The following CEP85L variants were observed in gnomAD, a reference collection of about 807,000 sequenced individuals.
CEP85L encodes centrosomal protein 85L.
A neutral mutation model predicts 100.3 loss-of-function variants in CEP85L; 60 were observed. The ratio of observed to expected loss-of-function variants is 0.60; its 90% CI spans 0.49 to 0.74. The LOEUF is 0.74. Among genes scored for constraint, CEP85L ranks in the 30% least tolerant of loss-of-function variants. The probability of loss-of-function intolerance (pLI) is 0.00; values close to 1 mark genes in which losing one functional copy is unlikely to be tolerated. For missense variants in CEP85L, 973 were observed against 936.2 expected, an observed-to-expected ratio of 1.04 and a Z score of -0.51; for synonymous variants, 319 against 322.7, an observed-to-expected ratio of 0.99 and a Z score of 0.12.
chr6:118,521,146 C>T (rs979752241), intron 4 of CEP85L, among the ~76,000 whole-genome samples: 28 of 152,120 alleles, frequency 1.8e-4, no homozygotes, highest in African/African-American at 6.3e-4. Context: ...CTAAAAAGTT[C>T]GGCAGGTTTA....
intron 2 of CEP85L, among the ~76,000 whole-genome samples, chr6:118,571,575 T>C (rs1226516900): frequency 6.6e-6 from 1 of 152,024 alleles, no homozygotes; most frequent in East Asian, 1.9e-4. Flanking sequence ...TTCTCTTATA[T>C]ACAGGGATGG....
In CEP85L at chr6:118,469,231, T is replaced by C; in HGVS notation, c.2095A>G (p.Thr699Ala). ...AATAGTGGCCGTTTGGAAAGAACTGTCTGCTGCCTAGATTGGTCAGGTTCC... is the reference window on the plus strand; with the variant it reads ...AATAGTGGCCGTTTGGAAAGAACTGCCTGCTGCCTAGATTGGTCAGGTTCC... ...GQEPDQSRQQ[T>A]VLSKRPLFDL... Residue 699 changes from threonine to alanine, a missense_variant, in exon 12 of 13, where the codon ACA becomes GCA. Transcript: ENST00000368491. 2 of 1,614,092 alleles carry C rather than the reference T, an allele frequency of 1.2e-6. No homozygotes were observed. The highest frequency in any genetic ancestry group is 1.7e-6 in the Non-Finnish European group (2 of 1,179,962).
intron 7 of CEP85L, 99 bp from the exon 8 acceptor site, chr6:118,482,032 T>TAAAAAAAAAAAAAAA (rs35791512): frequency 2.9e-6 from 1 of 339,516 alleles, no homozygotes; most frequent in Non-Finnish European, 4.9e-6. Context: ...GACTTGTAGC[T>TAAAAAAAAAAAAAAA]AAAAAAAAAA....
intron 1 of CEP85L, among the ~76,000 whole-genome samples, chr6:118,704,114 C>G (rs1367798742): frequency 6.6e-6 from 1 of 152,124 alleles, no homozygotes; most frequent in Non-Finnish European, 1.5e-5. Flanking sequence ...TATCATGTAA[C>G]TGGCATGACA....
rs553361650 is a variant in CEP85L, at chr6:118,496,356, TTTTTATTTTA to T, written c.1258-4501_1258-4492del. ...TGCTTTGTGTTATTTTATTTTATAT[TTTTTATTTTA>T]TTTTATTTTATTTTATTTTATTTTA... is the stretch of plus-strand genomic sequence containing the variant. On this transcript the variant is annotated intron_variant, in intron 5 of 12. Transcript: ENST00000368491. Among the ~76,000 whole-genome samples, 175 of 139,524 alleles carry T rather than the reference TTTTTATTTTA, an allele frequency of 1.3e-3. 1 individual carries two copies. Among genetic ancestry groups the T allele is most frequent in the Middle Eastern group, 3.6e-3 (1 of 276 alleles). The allele number at this position is 139,524 out of a possible 152,430, so 91.5% of individuals were successfully genotyped here. A position where few individuals can be genotyped will look rare whatever the true frequency, so the allele number is the denominator to read the frequency against.
At chr6:118,652,940 A>G, upstream of CEP85L, 1 of 528,366 alleles carries the variant, frequency 1.9e-6, no homozygotes, top group Non-Finnish European at 3.4e-6. Context: ...AAAGAAAATT[A>G]GCAGAAGCTA....
Position 118,469,230 on chromosome 6 carries a change from G to C in CEP85L, c.2096C>G (p.Thr699Arg). 1 of 1,614,060 alleles carries C rather than the reference G, an allele frequency of 6.2e-7. No homozygotes were observed. The highest frequency in any genetic ancestry group is 8.5e-7 in the Non-Finnish European group (1 of 1,179,948). ...AAATAGTGGCCGTTTGGAAAGAACT[G>C]TCTGCTGCCTAGATTGGTCAGGTTC... is the stretch of plus-strand genomic sequence containing the variant. ...GQEPDQSRQQ[T>R]VLSKRPLFDL... The change falls in exon 12 of 13, where the codon ACA (threonine) becomes AGA (arginine). Residue 699 changes from threonine (T) to arginine (R), a missense_variant. Physicochemically the swap from Thr to Arg is moderately conservative, Grantham distance 71. Coordinates refer to ENST00000368491, the MANE Select transcript of CEP85L (RefSeq NM_001042475.3).
In CEP85L at chr6:118,515,633, T is replaced by C. The variant is rs558121688; in HGVS notation, c.1140-4218A>G. 6.6e-5 allele frequency among the ~76,000 whole-genome samples: 10 copies of C among 152,280 alleles called. No homozygotes were observed. In the East Asian group the frequency reaches 7.7e-4, roughly 12 times the overall value. On this transcript the variant is annotated intron_variant, in intron 4 of 12. Coordinates refer to ENST00000368491, the MANE Select transcript of CEP85L (RefSeq NM_001042475.3). ...AGTATTTGGAAACAATGTAACATAATTGTAAATAACTTTAGGGTCAAAGAA... is the reference window on the plus strand; with the variant it reads ...AGTATTTGGAAACAATGTAACATAACTGTAAATAACTTTAGGGTCAAAGAA...
At chr6:118,637,739 T>A (rs75412737) in intron 1 of CEP85L, among the ~76,000 whole-genome samples, 4,252 of 144,142 alleles carry the variant, frequency 0.029, 127 homozygotes, top group African/African-American at 0.058. Context: ...TGTCTATATA[T>A]TTAAGAAGTT....
At chr6:118,705,830 G>A (rs1229996289) in intron 1 of CEP85L, among the ~76,000 whole-genome samples, 1 of 152,192 alleles carries the variant, frequency 6.6e-6, no homozygotes. Context: ...GAGTAACAGA[G>A]ATACCAGGAG....
chr6:118,600,303 GTGTGT>G (rs1562297819), intron 2 of CEP85L, among the ~76,000 whole-genome samples: 940 of 33,942 alleles, frequency 0.028, 182 homozygotes, highest in Middle Eastern at 0.069. Flanking sequence ...TCCTGGGGGT[GTGTGT>G]GTGTGTGTGT....
chr6:118,542,612 G>GT (rs1335565083), intron 3 of CEP85L, among the ~76,000 whole-genome samples: 1 of 151,900 alleles, frequency 6.6e-6, no homozygotes, highest in Non-Finnish European at 1.5e-5. Flanking sequence ...AAATCATAGA[G>GT]TAAGGTAGAG....
At chr6:118,551,707 AT>A (rs1385754351) in intron 3 of CEP85L, among the ~76,000 whole-genome samples, 3 of 152,120 alleles carry the variant, frequency 2.0e-5, no homozygotes, top group Admixed American at 6.5e-5. Flanking sequence ...GAATATATTG[AT>A]TTTTATGCAT....
At position 118,464,459 on chromosome 6, in the gene CEP85L, C is replaced by CA. The variant is rs1772380249; in HGVS notation, c.*945dup. On this transcript the variant is annotated 3_prime_UTR_variant, in exon 13 of 13. Transcript: ENST00000368491. The stretch of plus-strand genomic sequence containing the variant: ...ACAGTAGTTTCAACTTTGAAACATA[C>CA]AAAACTGTTAAAATGTAAATGTTGA... The CA allele has an allele frequency of 6.6e-6, 1 of 152,000 alleles. No individual in the cohort carries two copies. The allele number at this position is 152,000 out of a possible 1,614,324, so 9.4% of individuals were successfully genotyped here. A position where few individuals can be genotyped will look rare whatever the true frequency, so the allele number is the denominator to read the frequency against.
At chr6:118,536,899 C>T (rs919525612) in intron 3 of CEP85L, among the ~76,000 whole-genome samples, 8 of 152,132 alleles carry the variant, frequency 5.3e-5, no homozygotes, top group Admixed American at 1.3e-4. Context: ...TTTAGTAACA[C>T]ATTTTTTCCC....
intron 3 of CEP85L, among the ~76,000 whole-genome samples, chr6:118,539,145 T>G (rs1259415162): frequency 6.6e-6 from 1 of 152,156 alleles, no homozygotes; most frequent in Non-Finnish European, 1.5e-5. Flanking sequence ...CAACATATAT[T>G]TAATCAAGTC....
At chr6:118,557,505 T>G (rs923590044) in intron 3 of CEP85L, among the ~76,000 whole-genome samples, 6 of 152,194 alleles carry the variant, frequency 3.9e-5, no homozygotes, top group African/African-American at 1.4e-4. Context: ...TCTGTGGGAC[T>G]CTGGTTTCCT....
chr6:118,627,816 A>G (rs897153838), intron 2 of CEP85L, among the ~76,000 whole-genome samples: 3 of 152,226 alleles, frequency 2.0e-5, no homozygotes, highest in Non-Finnish European at 2.9e-5. Flanking sequence ...CTATTTAACC[A>G]GAGCCTAAAC....
intron 3 of CEP85L, among the ~76,000 whole-genome samples, chr6:118,524,554 T>A (rs575324792): frequency 5.6e-4 from 86 of 152,308 alleles, no homozygotes; most frequent in Non-Finnish European, 1.6e-4. Flanking sequence ...AGTAATACAA[T>A]GTAGGAATGT....
Sources: gnomAD v4.1 joint callset for allele counts (sites outside exome capture counted in the v4.1 genomes callset) on GRCh38, gnomAD v4.1.1 for gene constraint, MANE v1.5 for transcripts, NCBI Gene and HGNC (gene_info 2026-07-23, HGNC 2026-07-21) for gene names.